Variants in SLC35E2B observed in about 807,000 individuals in gnomAD.
SLC35E2B encodes solute carrier family 35, member E2B.
In SLC35E2B, 18 loss-of-function variants were observed where a neutral mutation model predicts 32.4. The observed-to-expected ratio is 0.56, with a 90% CI of 0.38 to 0.82. The LOEUF is 0.82. Among genes scored for constraint, SLC35E2B ranks in the 40% least tolerant of loss-of-function variants. SLC35E2B has a pLI of 0.00. For synonymous variants in SLC35E2B, 132 were observed against 209.1 expected (o/e 0.63, Z 3.18); for missense variants, 263 against 469.5 (o/e 0.56, Z 4.06).
intron 8 of SLC35E2B, among the ~76,000 whole-genome samples, chr1:1,668,928 T>C (rs1217026051): frequency 6.7e-6 from 1 of 150,112 alleles, no homozygotes; most frequent in Non-Finnish European, 1.5e-5. Flanking sequence ...GAGGCAGAGG[T>C]TGCAGTGAGC....
chr1:1,666,111 TG>T (rs1399762610), intron 9 of SLC35E2B, 92 bp from the exon 10 acceptor site: 5 of 1,403,568 alleles, frequency 3.6e-6, no homozygotes, highest in Non-Finnish European at 3.8e-6. Context: ...GTCTGGAGGC[TG>T]GGTGGGGTTG....
At chr1:1,691,625 C>T (rs536098223) in intron 1 of SLC35E2B, among the ~76,000 whole-genome samples, 6 of 148,504 alleles carry the variant, frequency 4.0e-5, no homozygotes, top group Admixed American at 4.0e-4. Context: ...CAAAATGTGT[C>T]CCAAATCTTC....
intron 5 of SLC35E2B, chr1:1,672,005 TG>T: frequency 5.9e-6 from 1 of 169,338 alleles, no homozygotes; most frequent in Non-Finnish European, 1.3e-5. Flanking sequence ...GGGAGGGGGA[TG>T]CCCACATTGA....
At chr1:1,672,472 T>C (rs1643722677) in intron 5 of SLC35E2B, 1 of 152,210 alleles carries the variant, frequency 6.6e-6, no homozygotes, top group East Asian at 1.9e-4. Flanking sequence ...AGGGGCGTCC[T>C]CTCGTCTGCC....
intron 2 of SLC35E2B, among the ~76,000 whole-genome samples, chr1:1,682,672 C>T (rs368996282): frequency 4.6e-5 from 7 of 152,268 alleles, no homozygotes; most frequent in African/African-American, 1.7e-4. Flanking sequence ...GGGAAAGCAA[C>T]AGCACCTTCA....
At chr1:1,678,718 C>A (rs1643874882) in intron 2 of SLC35E2B, among the ~76,000 whole-genome samples, 1 of 152,166 alleles carries the variant, frequency 6.6e-6, no homozygotes, top group South Asian at 2.1e-4. Context: ...AGACACCATT[C>A]CCTTCTTCCT....
At chr1:1,686,891 C>G (rs1397262770) in intron 2 of SLC35E2B, among the ~76,000 whole-genome samples, 4 of 151,874 alleles carry the variant, frequency 2.6e-5, no homozygotes, top group Non-Finnish European at 5.9e-5. Flanking sequence ...CTTGTCTCTA[C>G]TAAAAATACA....
In SLC35E2B at chr1:1,667,338, G is replaced by A. The variant is rs183432301; in HGVS notation, c.980+989C>T. Among the ~76,000 whole-genome samples, 314 of 152,212 alleles carry A rather than the reference G, an allele frequency of 2.1e-3. 1 individual carries two copies. The highest frequency in any genetic ancestry group is 7.1e-3 in the African/African-American group (296 of 41,544). On this transcript the variant is annotated intron_variant, in intron 9 of 9. Coordinates refer to ENST00000617444, the MANE Select transcript of SLC35E2B (RefSeq NM_001290264.2). ...GGAGGCAGGAGAATGGCGTGAACCC[G>A]GGAGGCGGAGCTTGCAGTGAGCCGA...
chr1:1,688,556 C>T (rs1444381277), intron 2 of SLC35E2B, among the ~76,000 whole-genome samples: 4 of 151,614 alleles, frequency 2.6e-5, no homozygotes, highest in Non-Finnish European at 2.9e-5. Context: ...GCGGAGATCG[C>T]GCCATTGCAC....
Position 1,665,526 on chromosome 1 carries a change from G to C in SLC35E2B, c.*256C>G. ...CCCCAGCATGGGAGCCTCAGAGGCT[G>C]TTTTCACATTACACGGGGATGGGCT... On this transcript the variant is annotated 3_prime_UTR_variant, in exon 10 of 10. Transcript: ENST00000617444. The C allele has an allele frequency of 1.7e-6, 1 of 602,030 alleles. No homozygotes were observed. Among genetic ancestry groups the C allele is most frequent in the Non-Finnish European group, 2.9e-6 (1 of 350,258 alleles). The allele number at this position is 602,030 out of a possible 1,614,324, so 37.3% of individuals were successfully genotyped here.
chr1:1,689,277 G>A (rs954345384), intron 2 of SLC35E2B, among the ~76,000 whole-genome samples: 1 of 152,108 alleles, frequency 6.6e-6, no homozygotes, highest in African/African-American at 2.4e-5. Context: ...TGTCCATGCT[G>A]CCAGGCAAAA....
intron 2 of SLC35E2B, among the ~76,000 whole-genome samples, chr1:1,685,309 C>T (rs886076873): frequency 6.7e-6 from 1 of 148,882 alleles, no homozygotes; most frequent in African/African-American, 2.5e-5. Context: ...GCCTGTGTGC[C>T]CAGCTGAGGT....
rs998729759 is a variant in SLC35E2B at position 1,662,389 on chromosome 1, G to C, written c.*3393C>G. On this transcript the variant is annotated 3_prime_UTR_variant, in exon 10 of 10. Coordinates refer to ENST00000617444, the MANE Select transcript of SLC35E2B (RefSeq NM_001290264.2). The stretch of plus-strand genomic sequence containing the variant: ...TTGGACACATGTAAAAAGCTGTCTT[G>C]TTGGCCTGTTATTCCCACTGACCCG... The C allele has an allele frequency of 3.4e-6, 3 of 890,570 alleles. No homozygotes were observed. Among genetic ancestry groups the C allele is most frequent in the East Asian group, 1.2e-4 (1 of 8,470 alleles). 55.2% of individuals were successfully genotyped at this position (890,570 alleles called of 1,614,324 possible).
At chr1:1,666,961 C>T (rs1269186152) in intron 9 of SLC35E2B, among the ~76,000 whole-genome samples, 4 of 144,548 alleles carry the variant, frequency 2.8e-5, no homozygotes, top group Non-Finnish European at 1.5e-5. Flanking sequence ...AAAAATTAGC[C>T]GGGCATGGTG....
At chr1:1,679,479 CAAAA>C (rs970098423) in intron 2 of SLC35E2B, among the ~76,000 whole-genome samples, 1 of 151,898 alleles carries the variant, frequency 6.6e-6, no homozygotes, top group Non-Finnish European at 1.5e-5. Flanking sequence ...TTAGTGGAAA[CAAAA>C]AAACAGAAAT....
At chr1:1,685,189 A>T (rs573890523) in intron 2 of SLC35E2B, among the ~76,000 whole-genome samples, 1 of 151,864 alleles carries the variant, frequency 6.6e-6, no homozygotes, top group East Asian at 1.9e-4. Flanking sequence ...TGGGAGACCG[A>T]GGCAGGAGGA....
At chr1:1,684,293 C>T (rs1332027691) in intron 2 of SLC35E2B, among the ~76,000 whole-genome samples, 4 of 152,160 alleles carry the variant, frequency 2.6e-5, no homozygotes, top group Non-Finnish European at 5.9e-5. Flanking sequence ...CGCGCTGAGC[C>T]GCTCGTGAAA....
intron 2 of SLC35E2B, among the ~76,000 whole-genome samples, chr1:1,685,048 A>T (rs898976674): frequency 1.3e-5 from 2 of 151,384 alleles, no homozygotes; most frequent in African/African-American, 4.9e-5. Context: ...TGGAGGTTGC[A>T]GTGAGCCAAG....
In SLC35E2B at chr1:1,665,434, G is replaced by C; in HGVS notation, c.*348C>G. On this transcript the variant is annotated 3_prime_UTR_variant, in exon 10 of 10. Transcript: ENST00000617444. ...TTGGCTGTGGCAGGGAGCGGCTCTC[G>C]TTGGCACTGGACCCACCTCTGGCTC... 4.2e-6 allele frequency: 2 copies of C among 480,760 alleles called. No homozygotes were observed. Among genetic ancestry groups the C allele is most frequent in the South Asian group, 4.3e-5 (1 of 23,242 alleles). 29.8% of individuals were successfully genotyped at this position (480,760 alleles called of 1,614,324 possible).
Sources: allele counts gnomAD v4.1 joint callset (sites outside exome capture counted in the v4.1 genomes callset), GRCh38; gene constraint gnomAD v4.1.1; transcripts MANE v1.5; gene names NCBI Gene and HGNC (gene_info 2026-07-23, HGNC 2026-07-21).